Variants in ZNF718 observed in about 807,000 individuals in gnomAD.
The protein encoded by ZNF718 is zinc finger protein 718.
A neutral mutation model predicts 2.6 loss-of-function variants in ZNF718; 3 were observed. The observed-to-expected ratio is 1.16, with a 90% CI of 0.53 to 3.01. The LOEUF (loss-of-function observed/expected upper bound fraction) is 3.01. Among genes scored for constraint, ZNF718 ranks in the 30% most tolerant of loss-of-function variants. The pLI, the probability that ZNF718 is intolerant of heterozygous loss-of-function variation, is 0.03. For missense variants in ZNF718, 468 were observed against 230.0 expected, an observed-to-expected ratio of 2.03 and a Z score of -6.69; for synonymous variants, 135 against 77.9, an observed-to-expected ratio of 1.73 and a Z score of -3.86.
chr4:182,404 ATATT>A (rs74441689), intron 3 of ZNF718, among the ~76,000 whole-genome samples: 54,769 of 146,840 alleles, frequency 0.37, 10,839 homozygotes, highest in East Asian at 0.57. Context: ...ATTTTGATTT[ATATT>A]TATTTATTTA....
intron 3 of ZNF718, among the ~76,000 whole-genome samples, chr4:145,102 T>G (rs1369219808): frequency 6.6e-6 from 1 of 151,306 alleles, no homozygotes; most frequent in Non-Finnish European, 1.5e-5. Flanking sequence ...CATAACCTAA[T>G]AGCTTCTTAA....
At position 129,255 on chromosome 4, in the gene ZNF718, A is replaced by C. The variant is rs1482803449; in HGVS notation, c.4-1533A>C. ...TTATAATGTTATAAAATAGGGAATTAGCTAAAATAGATTAAGATACAGAAA... is the reference window on the plus strand; with the variant it reads ...TTATAATGTTATAAAATAGGGAATTCGCTAAAATAGATTAAGATACAGAAA... On this transcript the variant is annotated intron_variant, in intron 1 of 3. Transcript: ENST00000510175. Among the ~76,000 whole-genome samples the C allele has an allele frequency of 5.7e-5, 6 of 105,404 alleles. 1 individual carries two copies. The highest frequency in any genetic ancestry group is 2.0e-4 in the African/African-American group (6 of 30,496). 69.1% of individuals were successfully genotyped at this position (105,404 alleles called of 152,430 possible). A position where few individuals can be genotyped will look rare whatever the true frequency, so the allele number is the denominator to read the frequency against.
At chr4:176,205 T>A (rs1237583881) in intron 3 of ZNF718, among the ~76,000 whole-genome samples, 1 of 152,154 alleles carries the variant, frequency 6.6e-6, no homozygotes, top group Non-Finnish European at 1.5e-5. Flanking sequence ...CAGCTGTGCA[T>A]GAATTCCATT....
chr4:172,975 G>A (rs923192399), intron 3 of ZNF718, among the ~76,000 whole-genome samples: 11 of 152,128 alleles, frequency 7.2e-5, no homozygotes, highest in Non-Finnish European at 2.9e-5. Context: ...AACCTGGGAG[G>A]TGTAGGTTGC....
intron 3 of ZNF718, among the ~76,000 whole-genome samples, chr4:188,769 G>T (rs1207086325): frequency 6.6e-6 from 1 of 152,136 alleles, no homozygotes; most frequent in African/African-American, 2.4e-5. Flanking sequence ...TGGTTTCCTA[G>T]GGTTGCAAAT....
Position 162,117 on chromosome 4 carries a change from T to A in ZNF718, c.1432T>A (p.Phe478Ile), listed in dbSNP as rs1553815648. The A allele has an allele frequency of 1.4e-6, 1 of 729,384 alleles. No individual in the cohort carries two copies. The highest frequency in any genetic ancestry group is 1.5e-5 in the South Asian group (1 of 66,310). The allele number at this position is 729,384 out of a possible 1,614,324, so 45.2% of individuals were successfully genotyped here. A position where few individuals can be genotyped will look rare whatever the true frequency, so the allele number is the denominator to read the frequency against. ...QHKRTHTGGK[F>I] ...TAAGAGAACTCATACTGGAGGAAAA[T>A]TTTAGAAATGTGAAGAATGTGGGAG... is the stretch of plus-strand genomic sequence containing the variant. Residue 478 changes from phenylalanine (F) to isoleucine (I), a missense_variant, in exon 4 of 4, where the codon TTT becomes ATT. Coordinates refer to ENST00000510175, the MANE Select transcript of ZNF718 (RefSeq NM_001039127.6).
At chr4:164,695 G>A (rs987958646), downstream of ZNF718, among the ~76,000 whole-genome samples, 1 of 151,248 alleles carries the variant, frequency 6.6e-6, no homozygotes, top group Non-Finnish European at 1.5e-5. Flanking sequence ...AGAATATTTT[G>A]TTTAATTGGG....
intron 3 of ZNF718, among the ~76,000 whole-genome samples, chr4:169,779 G>T (rs1553817639): frequency 1.3e-5 from 2 of 152,154 alleles, no homozygotes; most frequent in South Asian, 2.1e-4. Context: ...GCAGCACATT[G>T]ATGGGTCTTG....
intron 3 of ZNF718, among the ~76,000 whole-genome samples, chr4:179,073 A>C (rs1378084321): frequency 6.6e-6 from 1 of 152,210 alleles, no homozygotes; most frequent in East Asian, 1.9e-4. Flanking sequence ...ATGCTATCAA[A>C]GGGAAAGGTC....
chr4:199,519 C>T (rs185563038), intron 3 of ZNF718, among the ~76,000 whole-genome samples: 478 of 152,152 alleles, frequency 3.1e-3, no homozygotes, highest in Non-Finnish European at 4.1e-3. Context: ...ACTCAATTTC[C>T]TTGCATCCTA....
intron 3 of ZNF718, among the ~76,000 whole-genome samples, chr4:179,003 C>T (rs1238781599): frequency 1.3e-5 from 2 of 152,050 alleles, no homozygotes; most frequent in Admixed American, 6.6e-5. Context: ...TTTTTCTGAA[C>T]GTTGAAGAGA....
chr4:141,692 A>G (rs1553810263), intron 3 of ZNF718, among the ~76,000 whole-genome samples: 1 of 152,236 alleles, frequency 6.6e-6, no homozygotes, highest in Non-Finnish European at 1.5e-5. Context: ...TGAGATTTCT[A>G]AAATAGTATA....
chr4:170,401 C>T (rs1361164483), intron 3 of ZNF718, among the ~76,000 whole-genome samples: 1 of 152,168 alleles, frequency 6.6e-6, no homozygotes, highest in Non-Finnish European at 1.5e-5. Flanking sequence ...GCCTTCCTTG[C>T]TAGATTGGGG....
intron 3 of ZNF718, among the ~76,000 whole-genome samples, chr4:172,635 CTT>C (rs1717261747): frequency 1.3e-5 from 2 of 152,198 alleles, no homozygotes; most frequent in African/African-American, 4.8e-5. Context: ...AGAAATAACT[CTT>C]GTCTATTATA....
At chr4:201,731 G>T (rs142729254) in exon 5 of ZNF718, 158 of 178,934 alleles carry the variant, frequency 8.8e-4, no homozygotes, top group African/African-American at 3.3e-3. Flanking sequence ...TAAATTCTTG[G>T]AAAAGCCTAT....
intron 3 of ZNF718, among the ~76,000 whole-genome samples, chr4:144,695 T>C (rs111868600): frequency 5.3e-5 from 8 of 152,338 alleles, no homozygotes; most frequent in African/African-American, 1.4e-4. Context: ...CGATGTTTTA[T>C]AGTATTCATC....
downstream of ZNF718, among the ~76,000 whole-genome samples, chr4:166,093 G>A (rs138663247): frequency 4.4e-3 from 674 of 152,158 alleles, 2 homozygotes; most frequent in African/African-American, 0.015. Context: ...GAGTGAGAAC[G>A]TGCAGTGTTT....
chr4:139,696 T>C (rs1315827462), intron 3 of ZNF718, among the ~76,000 whole-genome samples: 1 of 152,246 alleles, frequency 6.6e-6, no homozygotes, highest in Non-Finnish European at 1.5e-5. Context: ...CACCTACAAC[T>C]GGTAACGTAT....
intron 3 of ZNF718, among the ~76,000 whole-genome samples, chr4:133,851 T>C (rs1224618750): frequency 1.3e-5 from 2 of 152,220 alleles, no homozygotes; most frequent in East Asian, 3.8e-4. Flanking sequence ...GTATATACAT[T>C]GTAAAATAAA....
Sources: gnomAD v4.1 joint callset for allele counts (sites outside exome capture counted in the v4.1 genomes callset) on GRCh38, gnomAD v4.1.1 for gene constraint, MANE v1.5 for transcripts, NCBI Gene and HGNC (gene_info 2026-07-23, HGNC 2026-07-21) for gene names.